Variants in IGFBP7 observed in about 807,000 individuals in gnomAD.
IGFBP7 encodes insulin-like growth factor-binding protein 7.
IGFBP7 carries 31 observed loss-of-function variants against 29.4 expected under a neutral mutation model. The observed-to-expected ratio is 1.05, with a 90% CI of 0.79 to 1.42. The LOEUF is 1.42. Among genes scored for constraint, IGFBP7 ranks in the 40% most tolerant of loss-of-function variants. The pLI is 0.00. For missense variants in IGFBP7, 393 were observed against 395.5 expected (o/e 0.99, Z 0.05); for synonymous variants, 172 against 174.9 (o/e 0.98, Z 0.13).
At chr4:57,048,793 A>T (rs953968886) in intron 1 of IGFBP7, among the ~76,000 whole-genome samples, 4 of 152,082 alleles carry the variant, frequency 2.6e-5, no homozygotes, top group East Asian at 3.8e-4. Flanking sequence ...GTTACTATTT[A>T]AAAAAAAGAG....
intron 1 of IGFBP7, among the ~76,000 whole-genome samples, chr4:57,101,311 TG>T (rs1725890960): frequency 6.6e-6 from 1 of 152,210 alleles, no homozygotes; most frequent in South Asian, 2.1e-4. Flanking sequence ...ATCATATGAA[TG>T]GGGCTTTGTC....
intron 1 of IGFBP7, among the ~76,000 whole-genome samples, chr4:57,103,506 T>A (rs535984673): frequency 1.4e-4 from 22 of 152,252 alleles, no homozygotes; most frequent in African/African-American, 5.1e-4. Flanking sequence ...TGTATATATA[T>A]GGTATACAAC....
At chr4:57,109,721 C>T (rs1317810533) in intron 1 of IGFBP7, 156 bp downstream of exon 1, 10 of 894,984 alleles carry the variant, frequency 1.1e-5, no homozygotes, top group East Asian at 3.2e-5. Flanking sequence ...TGGCATTCCG[C>T]GGCTGCCAAC....
rs2109813534 is a variant in IGFBP7, at chr4:57,110,356, G to A, written c.-5C>T. 3 of 1,346,396 alleles carry A rather than the reference G, an allele frequency of 2.2e-6. No homozygotes were observed. 83.4% of individuals were successfully genotyped at this position (1,346,396 alleles called of 1,614,324 possible). A position where few individuals can be genotyped will look rare whatever the true frequency, so the allele number is the denominator to read the frequency against. On this transcript the variant is annotated 5_prime_UTR_variant, in exon 1 of 5. Transcript: ENST00000295666. ...GCGCAGCGACGGCCGCTCCATGGCG[G>A]GGTGCGGTGGCAGCGGCAAGGGCGC...
chr4:57,076,282 G>A (rs1220679475), intron 1 of IGFBP7, among the ~76,000 whole-genome samples: 1 of 152,130 alleles, frequency 6.6e-6, no homozygotes, highest in Non-Finnish European at 1.5e-5. Context: ...GAAATTTTCT[G>A]GGGGACACCA....
chr4:57,032,404 G>A, intron 4 of IGFBP7, 22 bp downstream of exon 4: 1 of 1,612,072 alleles, frequency 6.2e-7, no homozygotes. Context: ...ATTTTTAAAT[G>A]GCTGTGAGAT....
At chr4:57,058,416 T>C (rs1724723138) in intron 1 of IGFBP7, among the ~76,000 whole-genome samples, 2 of 152,106 alleles carry the variant, frequency 1.3e-5, no homozygotes, top group African/African-American at 2.4e-5. Flanking sequence ...TCTAGATCAA[T>C]GGAATAGAGA....
Position 57,110,380 on chromosome 4 carries a change from G to C in IGFBP7, c.-29C>G. 7.7e-7 allele frequency: 1 copy of C among 1,305,018 alleles called. No homozygotes were observed. Among genetic ancestry groups the C allele is most frequent in the Non-Finnish European group, 9.7e-7 (1 of 1,029,484 alleles). The allele number at this position is 1,305,018 out of a possible 1,614,324, so 80.8% of individuals were successfully genotyped here. ...GGGGTGCGGTGGCAGCGGCAAGGGC[G>C]CGAGTGAGCCGTGTCGGGCCGGCCG... On this transcript the variant is annotated 5_prime_UTR_variant, in exon 1 of 5. Coordinates refer to ENST00000295666, the MANE Select transcript of IGFBP7 (RefSeq NM_001553.3).
chr4:57,109,991 C>T lies in IGFBP7; in HGVS notation c.361G>A (p.Gly121Ser), dbSNP rs1726140434. Residue 121 changes from glycine (G) to serine (S), a missense_variant, in exon 1 of 5, where the codon GGC becomes AGC. Transcript: ENST00000295666. Reference protein sequence around the residue: ...CVCKSRYPVCGSDGTTYPSGC... With the variant: ...CVCKSRYPVCSSDGTTYPSGC... ...CTCGGGTAGGTGGTGCCGTCGCTGC[C>T]GCACACCGGGTAGCGGCTCTTGCAC... 1 of 1,545,800 alleles carries T rather than the reference C, an allele frequency of 6.5e-7. No individual in the cohort carries two copies. Among genetic ancestry groups the T allele is most frequent in the African/African-American group, 1.4e-5 (1 of 73,634 alleles).
intron 1 of IGFBP7, among the ~76,000 whole-genome samples, chr4:57,071,749 G>C (rs1445625026): frequency 6.6e-6 from 1 of 152,196 alleles, no homozygotes; most frequent in Non-Finnish European, 1.5e-5. Flanking sequence ...CATATGGGCT[G>C]TCAAAGCTTT....
rs573335207 is a variant in IGFBP7, at chr4:57,107,387, G to A, written c.475+2490C>T. The stretch of plus-strand genomic sequence containing the variant: ...TCTTCTGAGAATAGAAGGGAACCTA[G>A]AGGTCTAGAGGAACCTAGACAATGC... On this transcript the variant is annotated intron_variant, in intron 1 of 4. Coordinates refer to ENST00000295666, the MANE Select transcript of IGFBP7 (RefSeq NM_001553.3). Among the ~76,000 whole-genome samples the A allele has an allele frequency of 2.6e-5, 4 of 152,286 alleles. No individual in the cohort carries two copies. The South Asian group carries it at 8.3e-4, about 32-fold the overall frequency.
At chr4:57,056,104 T>C (rs1318918098) in intron 1 of IGFBP7, among the ~76,000 whole-genome samples, 2 of 152,092 alleles carry the variant, frequency 1.3e-5, no homozygotes, top group African/African-American at 4.8e-5. Flanking sequence ...GAGCTCCTCC[T>C]GCTCTTTCTC....
At chr4:57,086,487 G>T (rs866978783) in intron 1 of IGFBP7, among the ~76,000 whole-genome samples, 2 of 152,104 alleles carry the variant, frequency 1.3e-5, no homozygotes, top group South Asian at 4.2e-4. Flanking sequence ...CCTATTATTG[G>T]ATCTGTCATC....
chr4:57,107,061 A>T (rs974010845), intron 1 of IGFBP7, among the ~76,000 whole-genome samples: 2 of 152,176 alleles, frequency 1.3e-5, no homozygotes, highest in Admixed American at 1.3e-4. Context: ...CCAGTTGGGT[A>T]AGTGGTGATC....
chr4:57,102,764 A>C (rs1467494453), intron 1 of IGFBP7, among the ~76,000 whole-genome samples: 1 of 152,236 alleles, frequency 6.6e-6, no homozygotes, highest in Non-Finnish European at 1.5e-5. Context: ...AAACTGGACA[A>C]AATGATTATA....
intron 1 of IGFBP7, among the ~76,000 whole-genome samples, chr4:57,104,388 G>C (rs905383724): frequency 3.3e-5 from 5 of 152,012 alleles, no homozygotes; most frequent in African/African-American, 1.2e-4. Flanking sequence ...CTGGCTCTCT[G>C]ACAGTCCTCA....
chr4:57,105,453 G>A (rs1470438927), intron 1 of IGFBP7, among the ~76,000 whole-genome samples: 1 of 152,112 alleles, frequency 6.6e-6, no homozygotes, highest in Non-Finnish European at 1.5e-5. Flanking sequence ...GTCTATATGA[G>A]GGAGCAAAAT....
At chr4:57,067,546 A>G (rs922956886) in intron 1 of IGFBP7, among the ~76,000 whole-genome samples, 7 of 152,216 alleles carry the variant, frequency 4.6e-5, no homozygotes, top group African/African-American at 1.7e-4. Flanking sequence ...GGCTAGGGTA[A>G]GGGAGAAATG....
intron 1 of IGFBP7, among the ~76,000 whole-genome samples, chr4:57,105,681 A>C (rs1726005679): frequency 6.6e-6 from 1 of 152,184 alleles, no homozygotes; most frequent in Non-Finnish European, 1.5e-5. Flanking sequence ...CAAGATTCAC[A>C]CCAAGGGAGT....
Sources: allele counts gnomAD v4.1 joint callset (sites outside exome capture counted in the v4.1 genomes callset), GRCh38; gene constraint gnomAD v4.1.1; transcripts MANE v1.5; gene names NCBI Gene and HGNC (gene_info 2026-07-23, HGNC 2026-07-21).